PNPLA7: variants seen among roughly 807,000 people sequenced by gnomAD.
PNPLA7 encodes patatin-like phospholipase domain-containing protein 7.
In PNPLA7, 153 loss-of-function variants were observed where a neutral mutation model predicts 161.7. The ratio of observed to expected loss-of-function variants is 0.95; its 90% CI spans 0.83 to 1.08. The LOEUF (loss-of-function observed/expected upper bound fraction) is 1.08. Ranked by LOEUF, PNPLA7 falls within the 50% of genes least tolerant of loss-of-function variation. The pLI, the probability that PNPLA7 is intolerant of heterozygous loss-of-function variation, is 0.00. For synonymous variants in PNPLA7, 809 were observed against 782.1 expected (o/e 1.03, Z -0.57); for missense variants, 1,739 against 1,856.6 (o/e 0.94, Z 1.16).
Position 137,462,049 on chromosome 9 carries a change from C to CA in PNPLA7, c.3646-9dup. The CA allele has an allele frequency of 1.9e-6, 3 of 1,581,684 alleles. No individual in the cohort carries two copies. Among genetic ancestry groups the CA allele is most frequent in the Non-Finnish European group, 2.6e-6 (3 of 1,164,290 alleles). Reference sequence around the variant, plus strand: ...GTGCTGGTAGCCCACTTCCTGTGCACACCCCCAGGGCCCCGTCAGGAGGTG... The same window carrying CA: ...GTGCTGGTAGCCCACTTCCTGTGCACAACCCCCAGGGCCCCGTCAGGAGGTG... On this transcript the variant is annotated splice_polypyrimidine_tract_variant and intron_variant, in intron 31 of 34. Coordinates refer to ENST00000406427, the MANE Select transcript of PNPLA7 (RefSeq NM_001098537.3).
chr9:137,463,748 C>A (rs772416681), intron 28 of PNPLA7, among the ~76,000 whole-genome samples: 1 of 152,090 alleles, frequency 6.6e-6, no homozygotes, highest in Non-Finnish European at 1.5e-5. Flanking sequence ...ACTGCTGTGA[C>A]CCCCTCACCC....
intron 17 of PNPLA7, among the ~76,000 whole-genome samples, chr9:137,497,727 C>T (rs1351658697): frequency 6.6e-6 from 1 of 152,148 alleles, no homozygotes; most frequent in African/African-American, 2.4e-5. Flanking sequence ...AGGGTTTCAC[C>T]CATGTTGGCA....
intron 32 of PNPLA7, 22 bp from the exon 33 acceptor site, chr9:137,461,642 C>T: frequency 6.3e-7 from 1 of 1,575,706 alleles, no homozygotes; most frequent in South Asian, 1.1e-5. Context: ...GTGAGGACAG[C>T]ACGTTGCCTG....
At chr9:137,498,499 GC>G (rs1833192607) in intron 16 of PNPLA7, among the ~76,000 whole-genome samples, 2 of 152,250 alleles carry the variant, frequency 1.3e-5, no homozygotes, top group Non-Finnish European at 2.9e-5. Context: ...GCCCGCGAGT[GC>G]CCCTTGGACA....
Position 137,543,795 on chromosome 9 carries a change from G to C in PNPLA7, c.294C>G (p.Thr98=). The C allele has an allele frequency of 1.9e-6, 3 of 1,613,802 alleles. No homozygotes were observed. Among genetic ancestry groups the C allele is most frequent in the Non-Finnish European group, 2.5e-6 (3 of 1,179,954 alleles). ...GGGGCAGGGCAGTGTTCTCCACAAG[G>C]GTGTTGGGGAGTGTGGTCACCTGCA... The part of the protein sequence containing the change: ...IMRKVTTLPN[T]LVENTALPRQ... Residue 98 remains threonine (T), a synonymous_variant, in exon 5 of 35, where the codon ACC becomes ACG. Transcript: ENST00000406427. This position sits in a 1 kb window ranked among gnomAD's most constrained non-coding sequence, Gnocchi z 6.9.
At chr9:137,511,785 G>T (rs1359805931) in intron 12 of PNPLA7, among the ~76,000 whole-genome samples, 1 of 152,216 alleles carries the variant, frequency 6.6e-6, no homozygotes. Flanking sequence ...GTTCTTAGAA[G>T]ATAGCAGTAG....
chr9:137,475,493 G>A (rs1228688752), intron 25 of PNPLA7, among the ~76,000 whole-genome samples: 3 of 152,148 alleles, frequency 2.0e-5, no homozygotes, highest in Non-Finnish European at 2.9e-5. Flanking sequence ...TCCTGCCTCA[G>A]CCTCCTGAGT....
chr9:137,545,241 C>A (rs1376248046), intron 4 of PNPLA7, among the ~76,000 whole-genome samples: 4 of 152,198 alleles, frequency 2.6e-5, no homozygotes, highest in Non-Finnish European at 5.9e-5. Context: ...GTTCCGGAAC[C>A]ACCCAGACAT....
intron 12 of PNPLA7, among the ~76,000 whole-genome samples, chr9:137,510,479 C>T (rs1033182740): frequency 1.1e-4 from 17 of 152,186 alleles, no homozygotes; most frequent in African/African-American, 2.9e-4. Flanking sequence ...CTCTCTGCCT[C>T]GGCTGCCAGG....
At position 137,486,379 on chromosome 9, in the gene PNPLA7, A is replaced by G. The variant is rs1832486040; in HGVS notation, c.2198-1643T>C. Reference sequence around the variant, plus strand: ...AACATGGCTCGGAGAACCAGCGCACAGCCGGCAATCATGTGCTCACAGGAA... The same window carrying G: ...AACATGGCTCGGAGAACCAGCGCACGGCCGGCAATCATGTGCTCACAGGAA... On this transcript the variant is annotated intron_variant, in intron 20 of 34. Transcript: ENST00000406427. The surrounding 1 kb of genome is among the most constrained non-coding windows in gnomAD (Gnocchi z 6.0). Among the ~76,000 whole-genome samples, 1 of 152,168 alleles carries G rather than the reference A, an allele frequency of 6.6e-6. No homozygotes were observed. Among genetic ancestry groups the G allele is most frequent in the African/African-American group, 2.4e-5 (1 of 41,420 alleles).
chr9:137,494,535 C>T (rs959686744), intron 19 of PNPLA7, among the ~76,000 whole-genome samples: 9 of 152,164 alleles, frequency 5.9e-5, no homozygotes, highest in East Asian at 1.9e-4. Flanking sequence ...CACCCTCACC[C>T]GCACCACCCT....
chr9:137,542,365 A>G (rs1030575067), intron 7 of PNPLA7, among the ~76,000 whole-genome samples: 59 of 152,222 alleles, frequency 3.9e-4, no homozygotes, highest in African/African-American at 1.4e-3. Flanking sequence ...CAGCTACTCG[A>G]GAGGCTGAGG....
intron 14 of PNPLA7, among the ~76,000 whole-genome samples, chr9:137,503,836 C>CAAGAAGAAGAAGG (rs1289240475): frequency 0.011 from 14 of 1,256 alleles, no homozygotes; most frequent in African/African-American, 0.05. Context: ...AAGAAAGAAG[C>CAAGAAGAAGAAGG]AAGAAGAAGA....
At chr9:137,470,608 A>G (rs1831662921) in intron 25 of PNPLA7, among the ~76,000 whole-genome samples, 1 of 152,212 alleles carries the variant, frequency 6.6e-6, no homozygotes, top group African/African-American at 2.4e-5. Context: ...GGAAAAGAAG[A>G]TGAACTTCCC....
At chr9:137,466,560 C>CG in intron 26 of PNPLA7, among the ~76,000 whole-genome samples, 1 of 121,830 alleles carries the variant, frequency 8.2e-6, no homozygotes, top group East Asian at 2.7e-4. Flanking sequence ...TCTCAGACCC[C>CG]GGCACGGATC....
intron 21 of PNPLA7, among the ~76,000 whole-genome samples, chr9:137,484,194 A>G (rs1265558922): frequency 6.6e-6 from 1 of 152,146 alleles, no homozygotes. Context: ...CTGGGATTAC[A>G]AGCATGAGCC....
At chr9:137,501,253 G>T (rs1205234019) in intron 15 of PNPLA7, among the ~76,000 whole-genome samples, 1 of 152,226 alleles carries the variant, frequency 6.6e-6, no homozygotes, top group Non-Finnish European at 1.5e-5. Context: ...TGGCCTCTGA[G>T]GGGTGGGCTC....
In PNPLA7 at chr9:137,542,722, G is replaced by A; in HGVS notation, c.586C>T (p.His196Tyr). ...IVFVQLQEGE[H>Y]VFQPREPDPS... ...TCCGGCTCCCTGGGCTGGAAGACGT[G>A]CTCCCCTTCCTGCAGCTGCACAAAG... Residue 196 changes from histidine to tyrosine, a missense_variant, in exon 7 of 35, where the codon CAC becomes TAC. This residue lies in a region of PNPLA7 where 209 missense variants were observed against 252.8 expected (regional missense o/e 0.83). Transcript: ENST00000406427. 6.2e-7 allele frequency: 1 copy of A among 1,613,640 alleles called. No homozygotes were observed. Among genetic ancestry groups the A allele is most frequent in the Non-Finnish European group, 8.5e-7 (1 of 1,180,024 alleles).
At position 137,541,964 on chromosome 9, in the gene PNPLA7, T is replaced by C. The variant is rs2132627404; in HGVS notation, c.666+678A>G. ...CTGGATAATTATTTTTTATTTTTTG[T>C]AGAGACGGGGTCTCACTACTTCGTC... On this transcript the variant is annotated intron_variant, in intron 7 of 34. Coordinates refer to ENST00000406427, the MANE Select transcript of PNPLA7 (RefSeq NM_001098537.3). The surrounding 1 kb of genome is among the most constrained non-coding windows in gnomAD (Gnocchi z 4.4). 6.6e-6 allele frequency among the ~76,000 whole-genome samples: 1 copy of C among 152,290 alleles called. No individual in the cohort carries two copies. The highest frequency in any genetic ancestry group is 1.9e-4 in the East Asian group (1 of 5,192).
Sources: gnomAD v4.1 joint callset for allele counts (sites outside exome capture counted in the v4.1 genomes callset) on GRCh38, gnomAD v4.1.1 for gene constraint, gnomAD v4.1.1 regional missense constraint, Gnocchi (gnomAD v3.1) non-coding constraint, MANE v1.5 for transcripts, NCBI Gene and HGNC (gene_info 2026-07-23, HGNC 2026-07-21) for gene names.